The following DUSP13B variants were observed in gnomAD, a reference collection of about 807,000 sequenced individuals.
DUSP13B encodes dual specificity phosphatase 13B, also known as dual specificity protein phosphatase 13B.
At chr10:75,096,904 A>C in the DUSP13B span, among the ~76,000 whole-genome samples, 1 of 152,192 alleles carries the variant, frequency 6.6e-6, no homozygotes, top group African/African-American at 2.4e-5. Context: ...AATGAACTTC[A>C]GGTACACATA....
At chr10:75,107,218 C>T in the DUSP13B span, among the ~76,000 whole-genome samples, 1 of 151,924 alleles carries the variant, frequency 6.6e-6, no homozygotes, top group African/African-American at 2.4e-5. Flanking sequence ...GCCTGTAGTC[C>T]CAGCTACTTG....
chr10:75,101,811 C>A, the DUSP13B span: 5 of 977,480 alleles, frequency 5.1e-6, no homozygotes, highest in Non-Finnish European at 7.4e-6. Context: ...GCCCTCATTA[C>A]CCAGCATGCT....
At chr10:75,096,227 C>T in the DUSP13B span, among the ~76,000 whole-genome samples, 1 of 151,976 alleles carries the variant, frequency 6.6e-6, no homozygotes, top group African/African-American at 2.4e-5. Flanking sequence ...TGCACTCTAG[C>T]CTGGGCAACA....
At chr10:75,106,765 G>A in the DUSP13B span, among the ~76,000 whole-genome samples, 6 of 152,250 alleles carry the variant, frequency 3.9e-5, no homozygotes, top group East Asian at 1.9e-4. Context: ...TGCCAGGCAC[G>A]TAGTGGATAC....
chr10:75,102,389 G>A, the DUSP13B span, among the ~76,000 whole-genome samples: 10 of 152,218 alleles, frequency 6.6e-5, no homozygotes, highest in South Asian at 8.3e-4. Flanking sequence ...CTTGCAGTGA[G>A]CCGAGATCGC....
At chr10:75,095,813 A>G in the DUSP13B span, 1 of 1,611,740 alleles carries the variant, frequency 6.2e-7, no homozygotes, top group South Asian at 1.1e-5. Flanking sequence ...AGAGGGCACA[A>G]GGGGTTAGGA....
At chr10:75,109,126 C>T in the DUSP13B span, 15 of 1,606,080 alleles carry the variant, frequency 9.3e-6, no homozygotes, top group East Asian at 2.3e-5. Flanking sequence ...TTTGTCCTCT[C>T]CCCCCAGCTC....
chr10:75,107,041 A>G, the DUSP13B span, among the ~76,000 whole-genome samples: 1 of 152,168 alleles, frequency 6.6e-6, no homozygotes, highest in Non-Finnish European at 1.5e-5. Context: ...TTTCTAGTTA[A>G]AAGTACTTTG....
chr10:75,105,338 C>T, the DUSP13B span, among the ~76,000 whole-genome samples: 1 of 152,142 alleles, frequency 6.6e-6, no homozygotes, highest in Non-Finnish European at 1.5e-5. Flanking sequence ...GAAAGTCTCC[C>T]CTCTTCCATT....
At chr10:75,095,779 T>C in the DUSP13B span, 1 of 1,614,158 alleles carries the variant, frequency 6.2e-7, no homozygotes, top group South Asian at 1.1e-5. Flanking sequence ...AGCTTGCTCT[T>C]GTCCCGGGCT....
At chr10:75,097,017 C>A in the DUSP13B span, among the ~76,000 whole-genome samples, 1 of 152,136 alleles carries the variant, frequency 6.6e-6, no homozygotes, top group African/African-American at 2.4e-5. Context: ...AAACTAACTA[C>A]ACTGTTTAGA....
the DUSP13B span, chr10:75,108,279 C>T: frequency 1.3e-6 from 2 of 1,522,040 alleles, no homozygotes; most frequent in Non-Finnish European, 1.8e-6. Flanking sequence ...GTGCCTGGCC[C>T]CCTGCTGCAG....
the DUSP13B span, chr10:75,101,837 A>AC: frequency 4.2e-4 from 565 of 1,331,738 alleles, 1 homozygote; most frequent in Admixed American, 1.8e-3. Flanking sequence ...ACCACATCCT[A>AC]CCCCCCCCAA....
chr10:75,108,182 C>T, the DUSP13B span: 3 of 1,608,744 alleles, frequency 1.9e-6, no homozygotes, highest in Non-Finnish European at 2.5e-6. Flanking sequence ...CCAGCTTCCA[C>T]AGCTCAAAGC....
chr10:75,094,693 C>T, the DUSP13B span: 1 of 1,614,026 alleles, frequency 6.2e-7, no homozygotes, highest in South Asian at 1.1e-5. Flanking sequence ...CGCCCCGTCT[C>T]CCGCCCCAGT....
the DUSP13B span, among the ~76,000 whole-genome samples, chr10:75,108,599 G>A: frequency 2.8e-4 from 42 of 152,180 alleles, no homozygotes; most frequent in African/African-American, 8.9e-4. Flanking sequence ...CAAATGTTTA[G>A]AGGCAACACC....
At chr10:75,096,205 A>G in the DUSP13B span, among the ~76,000 whole-genome samples, 2 of 152,134 alleles carry the variant, frequency 1.3e-5, no homozygotes, top group Admixed American at 6.6e-5. Context: ...CAGTGAGCCA[A>G]GATTATGCCA....
At chr10:75,097,714 A>G in the DUSP13B span, 1 of 1,570,416 alleles carries the variant, frequency 6.4e-7, no homozygotes, top group South Asian at 1.2e-5. Flanking sequence ...TTACTCACGC[A>G]TCTCCCAGGA....
chr10:75,104,007 C>G, the DUSP13B span: 1 of 1,357,748 alleles, frequency 7.4e-7, no homozygotes, highest in Non-Finnish European at 9.8e-7. Context: ...TTCTGTGTGT[C>G]CGCCTGGGCC....
Sources: allele counts gnomAD v4.1 joint callset (sites outside exome capture counted in the v4.1 genomes callset), GRCh38; gene constraint gnomAD v4.1.1; transcripts MANE v1.5; gene names NCBI Gene and HGNC (gene_info 2026-07-23, HGNC 2026-07-21).